Variants in MCCC1 observed in about 807,000 individuals in gnomAD.
MCCC1 encodes the protein methylcrotonoyl-CoA carboxylase subunit alpha, mitochondrial.
In MCCC1, 64 loss-of-function variants were observed where a neutral mutation model predicts 83.8. That is an observed-to-expected ratio of 0.76 (90% CI 0.62 to 0.94). The LOEUF is 0.94. Among genes scored for constraint, MCCC1 ranks in the 40% least tolerant of loss-of-function variants. The pLI is 0.00. For synonymous variants in MCCC1, 322 were observed against 315.4 expected, an observed-to-expected ratio of 1.02 and a Z score of -0.22; for missense variants, 807 against 904.7, an observed-to-expected ratio of 0.89 and a Z score of 1.39.
chr3:183,015,675 TG>T, intron 18 of MCCC1, 109 bp from the exon 19 acceptor site: 1 of 1,329,210 alleles, frequency 7.5e-7, no homozygotes, highest in Non-Finnish European at 1.1e-6. Context: ...CCAACTTTGA[TG>T]TTTTGTCATC....
At chr3:183,062,660 T>C (rs939129636) in intron 7 of MCCC1, among the ~76,000 whole-genome samples, 3 of 152,180 alleles carry the variant, frequency 2.0e-5, no homozygotes, top group African/African-American at 7.2e-5. Flanking sequence ...CAGCCTTGTC[T>C]GAGGTCTTAG....
At chr3:183,069,410 A>G (rs891187173) in intron 7 of MCCC1, among the ~76,000 whole-genome samples, 2 of 152,218 alleles carry the variant, frequency 1.3e-5, no homozygotes, top group African/African-American at 2.4e-5. Flanking sequence ...CTAACTTAAG[A>G]GCATGCTGAT....
chr3:183,022,348 G>C, intron 16 of MCCC1, 69 bp downstream of exon 16: 1 of 1,557,630 alleles, frequency 6.4e-7, no homozygotes, highest in Non-Finnish European at 8.9e-7. Context: ...ATCTCTTTCA[G>C]TGGAATGTCT....
intron 1 of MCCC1, among the ~76,000 whole-genome samples, chr3:183,105,739 G>A (rs1363087079): frequency 1.3e-5 from 2 of 152,126 alleles, no homozygotes; most frequent in Admixed American, 6.5e-5. Context: ...AGCTGGGAAG[G>A]CTATGAAGAG....
chr3:183,070,150 G>A (rs1331384647), intron 7 of MCCC1, among the ~76,000 whole-genome samples: 3 of 152,186 alleles, frequency 2.0e-5, no homozygotes, highest in Non-Finnish European at 4.4e-5. Context: ...CATGGTAAGT[G>A]CAATGTAAGT....
intron 2 of MCCC1, among the ~76,000 whole-genome samples, chr3:183,093,142 C>T (rs1264672271): frequency 1.3e-5 from 2 of 152,198 alleles, no homozygotes; most frequent in Non-Finnish European, 1.5e-5. Flanking sequence ...GATCCACCTG[C>T]CTTGGCCTCC....
At chr3:183,110,541 C>T (rs1719475302) in intron 1 of MCCC1, among the ~76,000 whole-genome samples, 1 of 152,008 alleles carries the variant, frequency 6.6e-6, no homozygotes, top group Non-Finnish European at 1.5e-5. Context: ...CTACAGGCGC[C>T]CGCCACTACG....
intron 7 of MCCC1, among the ~76,000 whole-genome samples, chr3:183,057,969 T>C (rs67514336): frequency 0.18 from 28,033 of 152,082 alleles, 2,999 homozygotes; most frequent in East Asian, 0.43. Flanking sequence ...AAAATGGCAA[T>C]TAAGACACTT....
intron 8 of MCCC1, among the ~76,000 whole-genome samples, chr3:183,054,685 G>A (rs1173417387): frequency 6.6e-6 from 1 of 152,080 alleles, no homozygotes; most frequent in Non-Finnish European, 1.5e-5. Context: ...CAAGTGTACA[G>A]TGATGTACTA....
At chr3:183,094,048 C>CTTTT (rs1301777122) in intron 2 of MCCC1, among the ~76,000 whole-genome samples, 2 of 135,632 alleles carry the variant, frequency 1.5e-5, no homozygotes, top group African/African-American at 5.4e-5. Context: ...TTTATTTTTA[C>CTTTT]TTTTTTTTTT....
chr3:183,101,841 A>AGCGAGACC (rs1223595185), upstream of MCCC1, among the ~76,000 whole-genome samples: 1 of 152,102 alleles, frequency 6.6e-6, no homozygotes, highest in African/African-American at 2.4e-5. Flanking sequence ...TCCTGAGCCC[A>AGCGAGACC]GCGAGACCAC....
intron 9 of MCCC1, among the ~76,000 whole-genome samples, chr3:183,048,055 G>A (rs1257764204): frequency 6.6e-6 from 1 of 152,126 alleles, no homozygotes; most frequent in Admixed American, 6.5e-5. Flanking sequence ...CACTGGATAG[G>A]AATTTTTCAG....
chr3:183,110,674 G>A (rs944957958), intron 1 of MCCC1, among the ~76,000 whole-genome samples: 4 of 151,528 alleles, frequency 2.6e-5, no homozygotes, highest in Non-Finnish European at 4.4e-5. Context: ...GATTACAGGC[G>A]TAAGCCACCG....
At chr3:183,075,545 CTTT>C (rs35554340) in intron 4 of MCCC1, among the ~76,000 whole-genome samples, 34 of 117,282 alleles carry the variant, frequency 2.9e-4, no homozygotes, top group African/African-American at 8.3e-4. Context: ...CCTTTGCCCA[CTTT>C]TTTTTTTTTT....
intron 10 of MCCC1, among the ~76,000 whole-genome samples, chr3:183,043,140 A>G (rs1212258338): frequency 1.3e-5 from 2 of 152,204 alleles, no homozygotes; most frequent in Non-Finnish European, 2.9e-5. Flanking sequence ...AAACACAAAA[A>G]TTAGCCGGGC....
At chr3:183,114,134 A>C (rs1018442625) in intron 1 of MCCC1, among the ~76,000 whole-genome samples, 3 of 152,198 alleles carry the variant, frequency 2.0e-5, no homozygotes, top group Admixed American at 2.0e-4. Context: ...CTATATCCGC[A>C]GTGCCCAAGA....
In MCCC1 at chr3:183,071,317, C is replaced by A. The variant is rs778850891; in HGVS notation, c.532G>T (p.Val178Leu). ...SIMAAAGVPV[V>L]EGYHGEDQSD... is the part of the protein sequence containing the mutation. ...TGGTCCTCACCATGATAACCCTCCA[C>A]AACAGGTACTCCAGCAGCAGCCATT... The change falls in exon 6 of 19, where the codon GTG becomes TTG. Residue 178 changes from valine to leucine, a missense_variant. Coordinates refer to ENST00000265594, the MANE Select transcript of MCCC1 (RefSeq NM_020166.5). 1 of 1,614,208 alleles carries A rather than the reference C, an allele frequency of 6.2e-7. No individual in the cohort carries two copies. The highest frequency in any genetic ancestry group is 1.1e-5 in the South Asian group (1 of 91,086).
At chr3:183,103,838 C>T (rs952007649), upstream of MCCC1, among the ~76,000 whole-genome samples, 13 of 152,164 alleles carry the variant, frequency 8.5e-5, no homozygotes, top group Non-Finnish European at 1.8e-4. Context: ...CAAGAGCCCA[C>T]GGAGCGGGGG....
At chr3:183,032,376 C>T (rs2108458801) in intron 14 of MCCC1, among the ~76,000 whole-genome samples, 1 of 152,228 alleles carries the variant, frequency 6.6e-6, no homozygotes, top group South Asian at 2.1e-4. Flanking sequence ...AAGATACTTC[C>T]AGATTTGGGG....
Sources: gnomAD v4.1 joint callset for allele counts (sites outside exome capture counted in the v4.1 genomes callset) on GRCh38, gnomAD v4.1.1 for gene constraint, MANE v1.5 for transcripts, NCBI Gene and HGNC (gene_info 2026-07-23, HGNC 2026-07-21) for gene names.